The following RPRD1A variants were observed in gnomAD, a reference collection of about 807,000 sequenced individuals.
The protein encoded by RPRD1A is regulation of nuclear pre-mRNA domain-containing protein 1A.
Under a neutral mutation model 37.8 loss-of-function variants are expected in RPRD1A, and 9 were observed. The observed-to-expected ratio is 0.24, with a 90% CI of 0.14 to 0.42. The LOEUF (loss-of-function observed/expected upper bound fraction) is 0.42, where lower values mean the gene tolerates loss of function less well. Among genes scored for constraint, RPRD1A ranks in the 10% least tolerant of loss-of-function variants. The pLI is 1.00. For missense variants in RPRD1A, 255 were observed against 371.0 expected (o/e 0.69, Z 2.57); for synonymous variants, 138 against 139.7 (o/e 0.99, Z 0.08).
intron 6 of RPRD1A, among the ~76,000 whole-genome samples, chr18:36,001,301 T>G (rs1425116134): frequency 6.6e-6 from 1 of 152,104 alleles, no homozygotes; most frequent in Non-Finnish European, 1.5e-5. Context: ...AGCATTTAAC[T>G]TTGGTTATTT....
chr18:36,050,815 G>C (rs966062294), intron 1 of RPRD1A, among the ~76,000 whole-genome samples: 4 of 151,308 alleles, frequency 2.6e-5, no homozygotes, highest in African/African-American at 9.7e-5. Context: ...AAAGTGTTGG[G>C]ATTACAGGTG....
chr18:36,023,540 G>C (rs1455236295), intron 6 of RPRD1A, among the ~76,000 whole-genome samples: 1 of 152,248 alleles, frequency 6.6e-6, no homozygotes, highest in Admixed American at 6.5e-5. Flanking sequence ...TGATAAAGCA[G>C]TAGCAGGGCT....
chr18:36,024,255 TG>T (rs541240112), intron 6 of RPRD1A, among the ~76,000 whole-genome samples: 2 of 151,904 alleles, frequency 1.3e-5, no homozygotes, highest in Non-Finnish European at 2.9e-5. Context: ...CAAGTGATCC[TG>T]CTGCCTCAGC....
rs147465167 is a variant in RPRD1A, at chr18:36,007,323, C to T, written c.790-14023G>A. Reference sequence around the variant, plus strand: ...CAGTCAGAATTTCAGTTTTGTACAACGGGGTCTGTAATGTGGATGATACTT... The same window carrying T: ...CAGTCAGAATTTCAGTTTTGTACAATGGGGTCTGTAATGTGGATGATACTT... On this transcript the variant is annotated intron_variant, in intron 6 of 6. Transcript: ENST00000399022. Among the ~76,000 whole-genome samples, 708 of 152,170 alleles carry T rather than the reference C, an allele frequency of 4.7e-3. 5 individuals carry two copies. Among genetic ancestry groups the T allele is most frequent in the African/African-American group, 0.016 (657 of 41,500 alleles).
chr18:36,043,320 C>T (rs78858658), intron 1 of RPRD1A, among the ~76,000 whole-genome samples: 2,000 of 151,798 alleles, frequency 0.013, 41 homozygotes, highest in African/African-American at 0.046. Context: ...ATAGTGCTGG[C>T]CTGGTACTCC....
chr18:36,022,897 G>T (rs576228674), intron 6 of RPRD1A, among the ~76,000 whole-genome samples: 2 of 152,334 alleles, frequency 1.3e-5, no homozygotes, highest in African/African-American at 4.8e-5. Flanking sequence ...ATGAGTTCGA[G>T]GTTACAGTGA....
chr18:36,025,741 A>C (rs577180182), intron 6 of RPRD1A: 3 of 807,198 alleles, frequency 3.7e-6, no homozygotes, highest in Admixed American at 6.3e-5. Context: ...CAAAAATTGT[A>C]TGACATTACT....
chr18:36,032,678 T>C (rs1911881141), intron 2 of RPRD1A, among the ~76,000 whole-genome samples: 1 of 152,226 alleles, frequency 6.6e-6, no homozygotes. Context: ...CAATGTGTAC[T>C]ATGTGAGATA....
At chr18:36,017,236 G>A (rs2144230089) in intron 6 of RPRD1A, among the ~76,000 whole-genome samples, 1 of 152,278 alleles carries the variant, frequency 6.6e-6, no homozygotes, top group African/African-American at 2.4e-5. Flanking sequence ...GGGAGGTCGA[G>A]GGTGCAGTCA....
At chr18:36,018,390 C>G (rs550183958) in intron 6 of RPRD1A, among the ~76,000 whole-genome samples, 11 of 151,992 alleles carry the variant, frequency 7.2e-5, no homozygotes, top group African/African-American at 2.7e-4. Context: ...TCTCCTGCCT[C>G]ACACTCCCGA....
chr18:36,062,612 T>C (rs1189763624), intron 1 of RPRD1A, among the ~76,000 whole-genome samples: 1 of 152,178 alleles, frequency 6.6e-6, no homozygotes, highest in Non-Finnish European at 1.5e-5. Flanking sequence ...GGACAGTAAG[T>C]GGTCTTTTGC....
chr18:36,066,394 G>A (rs562325539), intron 1 of RPRD1A, among the ~76,000 whole-genome samples: 16 of 152,276 alleles, frequency 1.1e-4, no homozygotes, highest in African/African-American at 3.9e-4. Flanking sequence ...TATCCATCAG[G>A]ATGTTTGCAA....
chr18:36,054,861 AG>A (rs1382295265), intron 1 of RPRD1A, among the ~76,000 whole-genome samples: 1 of 145,620 alleles, frequency 6.9e-6, no homozygotes, highest in African/African-American at 2.6e-5. Flanking sequence ...AAAAAAAGAA[AG>A]AAAAAAAAAA....
chr18:36,035,087 T>C (rs570210345), intron 1 of RPRD1A, among the ~76,000 whole-genome samples: 1 of 152,334 alleles, frequency 6.6e-6, no homozygotes, highest in Non-Finnish European at 1.5e-5. Flanking sequence ...CTTGTCTGGT[T>C]AGATAAACCA....
chr18:36,033,203 G>C (rs1045319503), intron 2 of RPRD1A, among the ~76,000 whole-genome samples: 9 of 145,950 alleles, frequency 6.2e-5, no homozygotes, highest in African/African-American at 2.3e-4. Flanking sequence ...TTGCGAGGCT[G>C]AAGTAGGAGA....
At chr18:36,041,605 G>A (rs534704554) in intron 1 of RPRD1A, among the ~76,000 whole-genome samples, 3 of 152,326 alleles carry the variant, frequency 2.0e-5, no homozygotes, top group African/African-American at 7.2e-5. Flanking sequence ...GGTCTGTGCT[G>A]TGCAGACTTG....
intron 4 of RPRD1A, among the ~76,000 whole-genome samples, chr18:36,029,083 A>T (rs1911578409): frequency 6.6e-6 from 1 of 152,200 alleles, no homozygotes; most frequent in South Asian, 2.1e-4. Flanking sequence ...GTTGTTCCAA[A>T]TGTAACATTC....
chr18:36,060,616 G>A (rs118148296), intron 1 of RPRD1A, among the ~76,000 whole-genome samples: 3,740 of 152,126 alleles, frequency 0.025, 59 homozygotes, highest in Middle Eastern at 0.075. Context: ...GTATGCTGGG[G>A]AGCTAAAAAT....
intron 6 of RPRD1A, chr18:36,026,340 C>G (rs553978387): frequency 6.6e-6 from 1 of 152,280 alleles, no homozygotes; most frequent in African/African-American, 2.4e-5. Flanking sequence ...AAAGGAAATA[C>G]GAGCATTTTT....
Sources: allele counts gnomAD v4.1 joint callset (sites outside exome capture counted in the v4.1 genomes callset), GRCh38; gene constraint gnomAD v4.1.1; transcripts MANE v1.5; gene names NCBI Gene and HGNC (gene_info 2026-07-23, HGNC 2026-07-21).